The following PHKB variants were observed in gnomAD, a reference collection of about 807,000 sequenced individuals.
PHKB encodes phosphorylase b kinase regulatory subunit beta.
In PHKB, 122 loss-of-function variants were observed where a neutral mutation model predicts 152.1. The ratio of observed to expected loss-of-function variants is 0.80; its 90% CI spans 0.69 to 0.93. The LOEUF is 0.93. Among genes scored for constraint, PHKB ranks in the 40% least tolerant of loss-of-function variants. The pLI, the probability that PHKB is intolerant of heterozygous loss-of-function variation, is 0.00. For missense variants in PHKB, 1,304 were observed against 1,328.4 expected (o/e 0.98, Z 0.29); for synonymous variants, 436 against 464.9 (o/e 0.94, Z 0.80).
chr16:47,669,550 A>G (rs547665662), intron 26 of PHKB, 133 bp downstream of exon 26: 459 of 772,994 alleles, frequency 5.9e-4, no homozygotes, highest in Non-Finnish European at 9.2e-4. Flanking sequence ...CCTCTAAGCC[A>G]TGCAGGCAAT....
At chr16:47,532,094 A>G (rs1305540948) in intron 6 of PHKB, among the ~76,000 whole-genome samples, 1 of 152,254 alleles carries the variant, frequency 6.6e-6, no homozygotes, top group African/African-American at 2.4e-5. Flanking sequence ...ACAGGAAATT[A>G]GGACCCCTAA....
intron 1 of PHKB, among the ~76,000 whole-genome samples, chr16:47,466,499 A>T (rs1969671620): frequency 6.6e-6 from 1 of 152,162 alleles, no homozygotes; most frequent in African/African-American, 2.4e-5. Context: ...TTTATTCTTA[A>T]ATGACAAAGA....
chr16:47,606,078 A>G (rs1013676002), intron 13 of PHKB, among the ~76,000 whole-genome samples: 25 of 152,198 alleles, frequency 1.6e-4, no homozygotes, highest in African/African-American at 5.8e-4. Context: ...CTGTGTAGGT[A>G]TTGCTGCTGC....
intron 4 of PHKB, among the ~76,000 whole-genome samples, chr16:47,509,285 C>T (rs1027015804): frequency 6.6e-6 from 1 of 152,188 alleles, no homozygotes; most frequent in East Asian, 1.9e-4. Context: ...TAGTCATCTT[C>T]TCTGAATTAA....
At chr16:47,493,949 ACT>A (rs1970191881) in intron 1 of PHKB, among the ~76,000 whole-genome samples, 1 of 152,222 alleles carries the variant, frequency 6.6e-6, no homozygotes, top group African/African-American at 2.4e-5. Flanking sequence ...AACAAATGAA[ACT>A]CTTGCCTTTT....
At chr16:47,553,508 T>TA (rs1971311451) in intron 7 of PHKB, among the ~76,000 whole-genome samples, 1 of 152,178 alleles carries the variant, frequency 6.6e-6, no homozygotes, top group Non-Finnish European at 1.5e-5. Flanking sequence ...AGGAGCTTGT[T>TA]ATTACCCACC....
At chr16:47,623,486 GT>G (rs5816578) in intron 14 of PHKB, among the ~76,000 whole-genome samples, 12,270 of 118,718 alleles carry the variant, frequency 0.1, 935 homozygotes, top group African/African-American at 0.24. Flanking sequence ...TTTGAACTTG[GT>G]TTTTTTTTTT....
At chr16:47,663,643 T>G (rs778819259) in intron 23 of PHKB, 34 bp from the exon 24 acceptor site, 78 of 1,578,156 alleles carry the variant, frequency 4.9e-5, no homozygotes, top group Non-Finnish European at 6.8e-5. Flanking sequence ...ATTAAAAGCT[T>G]TGTTCAACAA....
At chr16:47,500,609 T>A (rs921148809) in intron 3 of PHKB, among the ~76,000 whole-genome samples, 2 of 152,162 alleles carry the variant, frequency 1.3e-5, no homozygotes, top group African/African-American at 4.8e-5. Flanking sequence ...GTCAGAATTC[T>A]TTTCCCCTAC....
At chr16:47,506,362 A>C (rs1211940880) in intron 4 of PHKB, among the ~76,000 whole-genome samples, 1 of 152,212 alleles carries the variant, frequency 6.6e-6, no homozygotes, top group Non-Finnish European at 1.5e-5. Flanking sequence ...GATAATAGAG[A>C]CATATGAAAA....
At chr16:47,468,164 A>G (rs1329585076) in intron 1 of PHKB, among the ~76,000 whole-genome samples, 1 of 152,092 alleles carries the variant, frequency 6.6e-6, no homozygotes, top group Non-Finnish European at 1.5e-5. Context: ...GTTTTTCTTC[A>G]GCTGTACTCC....
intron 16 of PHKB, among the ~76,000 whole-genome samples, 158 bp downstream of exon 16, chr16:47,641,850 G>A (rs1228794716): frequency 6.6e-6 from 1 of 151,932 alleles, no homozygotes; most frequent in African/African-American, 2.4e-5. Flanking sequence ...CACTTTAATG[G>A]ACATTGTTAC....
intron 14 of PHKB, among the ~76,000 whole-genome samples, chr16:47,617,281 T>G (rs918578761): frequency 6.7e-6 from 1 of 148,980 alleles, no homozygotes; most frequent in Non-Finnish European, 1.5e-5. Flanking sequence ...TTTATATATT[T>G]ACATATAAAA....
At chr16:47,592,491 C>A (rs1567318656) in intron 10 of PHKB, among the ~76,000 whole-genome samples, 1 of 152,242 alleles carries the variant, frequency 6.6e-6, no homozygotes, top group Non-Finnish European at 1.5e-5. Flanking sequence ...GTAACTGTTA[C>A]TTCCTTTGCC....
At chr16:47,506,441 A>C (rs1970420890) in intron 4 of PHKB, among the ~76,000 whole-genome samples, 1 of 152,264 alleles carries the variant, frequency 6.6e-6, no homozygotes, top group Non-Finnish European at 1.5e-5. Context: ...CTTGAAATAA[A>C]GTAGTATGTC....
intron 6 of PHKB, among the ~76,000 whole-genome samples, chr16:47,538,268 G>A (rs965690616): frequency 1.3e-5 from 2 of 152,146 alleles, no homozygotes; most frequent in Non-Finnish European, 2.9e-5. Context: ...AAATAACTTT[G>A]AAGACCATGA....
chr16:47,547,663 T>A, intron 7 of PHKB, 115 bp downstream of exon 7: 1 of 701,226 alleles, frequency 1.4e-6, no homozygotes, highest in Non-Finnish European at 2.5e-6. Context: ...TTGTAGCAAT[T>A]TTTTTCTACC....
chr16:47,523,766 T>G (rs1970722615), intron 6 of PHKB, among the ~76,000 whole-genome samples: 1 of 152,204 alleles, frequency 6.6e-6, no homozygotes, highest in Non-Finnish European at 1.5e-5. Context: ...ACTGATTATT[T>G]CCTTTATATG....
At chr16:47,655,616 A>G (rs911151453) in intron 20 of PHKB, among the ~76,000 whole-genome samples, 3 of 152,252 alleles carry the variant, frequency 2.0e-5, no homozygotes, top group African/African-American at 7.2e-5. Context: ...CAAGCACAGC[A>G]TAGAGTTTTA....
Sources: allele counts gnomAD v4.1 joint callset (sites outside exome capture counted in the v4.1 genomes callset), GRCh38; gene constraint gnomAD v4.1.1; transcripts MANE v1.5; gene names NCBI Gene and HGNC (gene_info 2026-07-23, HGNC 2026-07-21).